PKNOX2: variants seen among roughly 807,000 people sequenced by gnomAD.
PKNOX2 encodes PBX/knotted 1 homeobox 2.
In PKNOX2, 14 loss-of-function variants were observed where a neutral mutation model predicts 53.1. That is an observed-to-expected ratio of 0.26 (90% CI 0.17 to 0.41). The LOEUF (loss-of-function observed/expected upper bound fraction) is 0.41. PKNOX2 is among the 10% of genes least tolerant of loss of function. The pLI is 1.00. For missense variants in PKNOX2, 496 were observed against 602.8 expected (o/e 0.82, Z 1.85); for synonymous variants, 257 against 242.8 (o/e 1.06, Z -0.54).
At chr11:125,300,285 A>G (rs913305736) in intron 2 of PKNOX2, among the ~76,000 whole-genome samples, 1 of 152,200 alleles carries the variant, frequency 6.6e-6, no homozygotes, top group Non-Finnish European at 1.5e-5. Flanking sequence ...GACCACTACT[A>G]CTACTAATAA....
intron 1 of PKNOX2, among the ~76,000 whole-genome samples, chr11:125,184,866 G>A (rs11219955): frequency 0.38 from 57,658 of 151,996 alleles, 11,277 homozygotes; most frequent in East Asian, 0.47. Flanking sequence ...CCACCTACAC[G>A]GTCTTTATGC....
At chr11:125,277,996 C>A (rs1946291836) in intron 2 of PKNOX2, among the ~76,000 whole-genome samples, 1 of 151,984 alleles carries the variant, frequency 6.6e-6, no homozygotes, top group African/African-American at 2.4e-5. Flanking sequence ...GCGGGAGGAT[C>A]TCTTGAGCTC....
At chr11:125,205,935 C>T (rs2135423069) in intron 1 of PKNOX2, among the ~76,000 whole-genome samples, 1 of 152,196 alleles carries the variant, frequency 6.6e-6, no homozygotes, top group South Asian at 2.1e-4. Flanking sequence ...CCTGATGGAA[C>T]AGGATTAATT....
chr11:125,333,171 A>G (rs1950233522), intron 3 of PKNOX2, among the ~76,000 whole-genome samples: 1 of 152,130 alleles, frequency 6.6e-6, no homozygotes, highest in Admixed American at 6.5e-5. Flanking sequence ...GAAGATGGGA[A>G]GAAGGTACAA....
intron 6 of PKNOX2, among the ~76,000 whole-genome samples, chr11:125,392,874 T>A (rs1390362456): frequency 6.6e-6 from 1 of 151,836 alleles, no homozygotes; most frequent in Non-Finnish European, 1.5e-5. Flanking sequence ...AAAGAGAAAG[T>A]TTGGCCGGGC....
intron 2 of PKNOX2, among the ~76,000 whole-genome samples, chr11:125,277,913 G>A (rs1253650271): frequency 6.6e-6 from 1 of 152,056 alleles, no homozygotes; most frequent in Non-Finnish European, 1.5e-5. Context: ...ATGTATCAGT[G>A]CAATTTTTTT....
intron 5 of PKNOX2, among the ~76,000 whole-genome samples, chr11:125,383,814 C>A (rs1953418859): frequency 6.6e-6 from 1 of 152,184 alleles, no homozygotes; most frequent in Non-Finnish European, 1.5e-5. Context: ...ACATTCCCAC[C>A]ATTGCAGAAA....
intron 7 of PKNOX2, among the ~76,000 whole-genome samples, chr11:125,403,090 G>A (rs1048147996): frequency 2.0e-5 from 3 of 152,184 alleles, no homozygotes; most frequent in African/African-American, 4.8e-5. Flanking sequence ...GAAACAGAGA[G>A]AGCCAATCAG....
intron 2 of PKNOX2, among the ~76,000 whole-genome samples, chr11:125,254,190 C>G (rs1046557426): frequency 6.6e-6 from 1 of 152,184 alleles, no homozygotes. Context: ...ATTTCCGAAC[C>G]GCTTTTTACA....
At chr11:125,324,487 A>G (rs987310359) in intron 2 of PKNOX2, among the ~76,000 whole-genome samples, 2 of 152,128 alleles carry the variant, frequency 1.3e-5, no homozygotes, top group South Asian at 2.1e-4. Context: ...GGCTCTGGGG[A>G]GCTCTATAGG....
chr11:125,319,562 G>A (rs1949399032), intron 2 of PKNOX2, among the ~76,000 whole-genome samples: 1 of 152,216 alleles, frequency 6.6e-6, no homozygotes, highest in Non-Finnish European at 1.5e-5. Context: ...GTTTCAAGAG[G>A]AGCAAAACAA....
Position 125,238,473 on chromosome 11 carries a change from A to G in PKNOX2, c.-130+3358A>G, listed in dbSNP as rs188043098. Among the ~76,000 whole-genome samples the G allele has an allele frequency of 8.5e-5, 13 of 152,314 alleles. No homozygotes were observed. In the East Asian group the frequency reaches 2.5e-3, roughly 29 times the overall value. ...GAAGAGGAGAGGAGGCTTAGAGAGC[A>G]AGAGGAATACCCTAGGAAGTAACAG... On this transcript the variant is annotated intron_variant, in intron 2 of 12. Transcript: ENST00000298282.
At chr11:125,322,119 G>A (rs750238489) in intron 2 of PKNOX2, among the ~76,000 whole-genome samples, 4 of 152,072 alleles carry the variant, frequency 2.6e-5, no homozygotes, top group South Asian at 2.1e-4. Context: ...CTGACCTGGC[G>A]TCCTTGAAGG....
At chr11:125,373,733 G>A (rs114284937) in intron 5 of PKNOX2, among the ~76,000 whole-genome samples, 2,982 of 152,310 alleles carry the variant, frequency 0.02, 107 homozygotes, top group African/African-American at 0.068. Flanking sequence ...TCCAGCATGC[G>A]TAAGGCATTG....
chr11:125,385,718 A>T lies in PKNOX2; in HGVS notation c.395A>T (p.Asn132Ile). The change falls in exon 6 of 13, where the codon AAT (asparagine) becomes ATT (isoleucine). Residue 132 changes from asparagine to isoleucine, a missense_variant. Coordinates refer to ENST00000298282, the MANE Select transcript of PKNOX2 (RefSeq NM_001382323.2). ...PFFSDDPELD[N>I]LMVKAIQVLR... is the part of the protein sequence containing the mutation. ...TTCAGCGATGACCCAGAACTGGACA[A>T]TCTGGTAAAGACCCTCCACCCTCTA... 1 of 1,613,348 alleles carries T rather than the reference A, an allele frequency of 6.2e-7. No individual in the cohort carries two copies. Among genetic ancestry groups the T allele is most frequent in the Non-Finnish European group, 8.5e-7 (1 of 1,179,726 alleles).
At chr11:125,192,819 G>T (rs761944870) in intron 1 of PKNOX2, among the ~76,000 whole-genome samples, 1 of 152,070 alleles carries the variant, frequency 6.6e-6, no homozygotes, top group Non-Finnish European at 1.5e-5. Flanking sequence ...CGGCCAGCCA[G>T]GTCGAGGGGG....
At chr11:125,414,781 T>G (rs888336590) in intron 10 of PKNOX2, among the ~76,000 whole-genome samples, 2 of 151,746 alleles carry the variant, frequency 1.3e-5, no homozygotes, top group Admixed American at 1.3e-4. Context: ...TTATTTCCCA[T>G]GGTTGTGAAA....
chr11:125,306,398 A>C (rs1054920582), intron 2 of PKNOX2, among the ~76,000 whole-genome samples: 3 of 150,688 alleles, frequency 2.0e-5, no homozygotes, highest in African/African-American at 7.3e-5. Context: ...GTCCACTTCT[A>C]CTCCCAGGCC....
intron 1 of PKNOX2, among the ~76,000 whole-genome samples, chr11:125,194,670 C>T (rs1209083450): frequency 6.6e-6 from 1 of 152,168 alleles, no homozygotes; most frequent in Non-Finnish European, 1.5e-5. Context: ...AGGCCTCATC[C>T]CTCCTTTTAA....
Sources: allele counts gnomAD v4.1 joint callset (sites outside exome capture counted in the v4.1 genomes callset), GRCh38; gene constraint gnomAD v4.1.1; transcripts MANE v1.5; gene names NCBI Gene and HGNC (gene_info 2026-07-23, HGNC 2026-07-21).